The following RASSF3 variants were observed in gnomAD, a reference collection of about 807,000 sequenced individuals.
The protein encoded by RASSF3 is ras association domain-containing protein 3.
In RASSF3, 19 loss-of-function variants were observed where a neutral mutation model predicts 19.9. That is an observed-to-expected ratio of 0.96 (90% CI 0.67 to 1.40). The LOEUF is 1.40. RASSF3 is among the 40% of genes most tolerant of loss of function. RASSF3 has a pLI of 0.00. For synonymous variants in RASSF3, 110 were observed against 104.2 expected, an observed-to-expected ratio of 1.06 and a Z score of -0.34; for missense variants, 306 against 289.8, an observed-to-expected ratio of 1.06 and a Z score of -0.41.
intron 1 of RASSF3, among the ~76,000 whole-genome samples, chr12:64,509,649 T>C (rs1429897081): frequency 3.3e-5 from 5 of 152,086 alleles, no homozygotes; most frequent in African/African-American, 1.2e-4. Context: ...ATTTTACTTA[T>C]AGCCTTCATC....
chr12:64,651,040 A>G (rs1035197453), intron 1 of RASSF3, among the ~76,000 whole-genome samples: 2 of 152,124 alleles, frequency 1.3e-5, no homozygotes, highest in African/African-American at 4.8e-5. Context: ...GCTTGGCTGC[A>G]TTTGATATAA....
intron 1 of RASSF3, among the ~76,000 whole-genome samples, chr12:64,616,103 C>T (rs1013140192): frequency 6.6e-6 from 1 of 152,182 alleles, no homozygotes; most frequent in Admixed American, 6.6e-5. Context: ...TCTGTTCTTA[C>T]ACGATATTAA....
At chr12:64,621,774 G>C (rs932390085) in intron 1 of RASSF3, among the ~76,000 whole-genome samples, 2 of 151,908 alleles carry the variant, frequency 1.3e-5, no homozygotes, top group Non-Finnish European at 1.5e-5. Flanking sequence ...GCCCGGCCCA[G>C]GCATTTTGAA....
chr12:64,613,313 G>A (rs1408836011), intron 1 of RASSF3, among the ~76,000 whole-genome samples: 2 of 151,760 alleles, frequency 1.3e-5, no homozygotes, highest in African/African-American at 4.8e-5. Context: ...TGGAAAGAGA[G>A]GTATTGCTAG....
At chr12:64,685,551 G>A (rs1873317038) in intron 2 of RASSF3, among the ~76,000 whole-genome samples, 1 of 152,154 alleles carries the variant, frequency 6.6e-6, no homozygotes, top group South Asian at 2.1e-4. Flanking sequence ...TTTTTGTCTT[G>A]TACAAAATAA....
chr12:64,611,858 T>A (rs1870377579), intron 1 of RASSF3, among the ~76,000 whole-genome samples: 1 of 152,294 alleles, frequency 6.6e-6, no homozygotes, highest in East Asian at 1.9e-4. Context: ...TAAAATTCTT[T>A]CTAAAATTCG....
At chr12:64,664,820 G>T (rs967820524) in intron 1 of RASSF3, among the ~76,000 whole-genome samples, 2 of 152,160 alleles carry the variant, frequency 1.3e-5, no homozygotes, top group African/African-American at 4.8e-5. Flanking sequence ...GGTTGCCTCA[G>T]TACAAGCATT....
chr12:64,683,609 C>T (rs948557788), intron 1 of RASSF3, among the ~76,000 whole-genome samples: 1 of 152,068 alleles, frequency 6.6e-6, no homozygotes, highest in East Asian at 1.9e-4. Flanking sequence ...TAGTATGAGT[C>T]CGTGAATAGT....
intron 1 of RASSF3, among the ~76,000 whole-genome samples, chr12:64,677,974 A>C (rs570018914): frequency 6.6e-6 from 1 of 152,290 alleles, no homozygotes; most frequent in East Asian, 1.9e-4. Flanking sequence ...CTTCATTGCA[A>C]ACCTGCTTTG....
chr12:64,520,565 T>C (rs1328163331), intron 1 of RASSF3, among the ~76,000 whole-genome samples: 558 of 33,792 alleles, frequency 0.017, 5 homozygotes, highest in African/African-American at 0.038. Flanking sequence ...CATATATATA[T>C]ATATATATAT....
intron 1 of RASSF3, among the ~76,000 whole-genome samples, chr12:64,523,104 G>T (rs1868512196): frequency 6.6e-6 from 1 of 152,084 alleles, no homozygotes. Flanking sequence ...CTGTTGATTT[G>T]CTCAAAAAAA....
chr12:64,629,191 C>T (rs978979267), intron 1 of RASSF3, among the ~76,000 whole-genome samples: 10 of 151,826 alleles, frequency 6.6e-5, no homozygotes, highest in African/African-American at 2.4e-4. Context: ...CAACCTCTGC[C>T]TATGGGTTCA....
At position 64,509,959 on chromosome 12, in the gene RASSF3, C is replaced by T. The variant is rs898802217; in HGVS notation, c.169+2630C>T. ...AAAATTAGCCAGGCATGATGGCAAC[C>T]ACCTGTAATCGCAGCTACTCAGGAG... On this transcript the variant is annotated intron_variant, in intron 1 of 5. Transcript: ENST00000637125. Among the ~76,000 whole-genome samples the T allele has an allele frequency of 4.6e-5, 7 of 151,880 alleles. No homozygotes were observed. The East Asian group carries it at 5.8e-4, about 13-fold the overall frequency.
chr12:64,606,271 CT>C (rs772775136), upstream of RASSF3, among the ~76,000 whole-genome samples: 11 of 152,300 alleles, frequency 7.2e-5, no homozygotes, highest in South Asian at 2.1e-4. Context: ...GGCCTTACCC[CT>C]GTGAGCTGAG....
intron 1 of RASSF3, among the ~76,000 whole-genome samples, chr12:64,528,163 C>T (rs1425834260): frequency 6.6e-6 from 1 of 152,104 alleles, no homozygotes; most frequent in Admixed American, 6.5e-5. Flanking sequence ...GTCCCAGCTA[C>T]TTGGGAAGCT....
At chr12:64,565,530 TG>T (rs1270987441) in intron 2 of RASSF3, among the ~76,000 whole-genome samples, 1 of 152,054 alleles carries the variant, frequency 6.6e-6, no homozygotes, top group African/African-American at 2.4e-5. Flanking sequence ...CCGGCCAACA[TG>T]GCGAAACCCC....
rs115093810 is a variant in RASSF3, at chr12:64,692,291, G to C, written c.567+712G>C. Among the ~76,000 whole-genome samples, 850 of 152,220 alleles carry C rather than the reference G, an allele frequency of 5.6e-3. 9 individuals carry two copies. Among genetic ancestry groups the C allele is most frequent in the African/African-American group, 0.019 (805 of 41,532 alleles). ...TCCTACATGGTGCAATTGAGAATAG[G>C]GTTTCTAGGTTAAAAGTTAGGAAAC... On this transcript the variant is annotated intron_variant, in intron 4 of 4. Coordinates refer to ENST00000542104, the MANE Select transcript of RASSF3 (RefSeq NM_178169.4).
chr12:64,549,269 TG>T (rs937405296), intron 2 of RASSF3, among the ~76,000 whole-genome samples: 145 of 152,234 alleles, frequency 9.5e-4, no homozygotes, highest in African/African-American at 3.3e-3. Context: ...CCCAACACTT[TG>T]GGGGGATCAC....
intron 1 of RASSF3, among the ~76,000 whole-genome samples, chr12:64,636,353 A>G (rs12829878): frequency 0.077 from 11,671 of 151,978 alleles, 607 homozygotes; most frequent in Middle Eastern, 0.14. Context: ...ACCTCAGGCT[A>G]TCTGTCCACC....
Sources: gnomAD v4.1 joint callset for allele counts (sites outside exome capture counted in the v4.1 genomes callset) on GRCh38, gnomAD v4.1.1 for gene constraint, MANE v1.5 for transcripts, NCBI Gene and HGNC (gene_info 2026-07-23, HGNC 2026-07-21) for gene names.